Variants in BBX observed in about 807,000 individuals in gnomAD.
BBX encodes the protein HMG box transcription factor BBX.
A neutral mutation model predicts 100.2 loss-of-function variants in BBX; 30 were observed. That is an observed-to-expected ratio of 0.30 (90% CI 0.22 to 0.41). The LOEUF (loss-of-function observed/expected upper bound fraction) is 0.41, where lower values mean the gene tolerates loss of function less well. Ranked by LOEUF, BBX falls within the 10% of genes least tolerant of loss-of-function variation. BBX has a pLI of 1.00. For missense variants in BBX, 1,023 were observed against 1,129.8 expected (o/e 0.91, Z 1.35); for synonymous variants, 376 against 388.1 (o/e 0.97, Z 0.37).
At chr3:107,589,196 G>A (rs1304185256) in intron 2 of BBX, among the ~76,000 whole-genome samples, 1 of 152,146 alleles carries the variant, frequency 6.6e-6, no homozygotes, top group African/African-American at 2.4e-5. Context: ...TATTACTTGA[G>A]CTTGTTATTT....
chr3:107,790,333 G>A (rs1035097692), intron 14 of BBX, among the ~76,000 whole-genome samples: 1 of 152,008 alleles, frequency 6.6e-6, no homozygotes, highest in Admixed American at 6.6e-5. Context: ...GGATTCTTGC[G>A]GACCTTTTTC....
In BBX at chr3:107,810,832, CAT is replaced by C. The variant is rs1348692510; in HGVS notation, c.*5376_*5377del. On this transcript the variant is annotated 3_prime_UTR_variant, in exon 18 of 18. Transcript: ENST00000325805. Reference sequence around the variant, plus strand: ...CTCGTAGGTTTGAATTGCTTACTCACATGTCATAAATTAACCACAGCTTCATT... The same window carrying C: ...CTCGTAGGTTTGAATTGCTTACTCACGTCATAAATTAACCACAGCTTCATT... 10 of 152,336 alleles carry C rather than the reference CAT, an allele frequency of 6.6e-5. No homozygotes were observed. The South Asian group carries it at 1.2e-3, about 19-fold the overall frequency. The allele number at this position is 152,336 out of a possible 1,614,324, so 9.4% of individuals were successfully genotyped here. A position where few individuals can be genotyped will look rare whatever the true frequency, so the allele number is the denominator to read the frequency against.
chr3:107,717,571 TGTACTGCAA>T (rs1434747763), intron 5 of BBX, among the ~76,000 whole-genome samples: 1 of 152,158 alleles, frequency 6.6e-6, no homozygotes, highest in African/African-American at 2.4e-5. Flanking sequence ...TGGAACAGGA[TGTACTGCAA>T]GGTGTACATG....
intron 2 of BBX, among the ~76,000 whole-genome samples, chr3:107,565,704 G>A (rs116698196): frequency 2.0e-4 from 30 of 151,288 alleles, no homozygotes; most frequent in African/African-American, 6.8e-4. Context: ...TCCTGCCCTC[G>A]TGATCCACTG....
At chr3:107,703,181 T>A (rs927535757) in intron 3 of BBX, among the ~76,000 whole-genome samples, 2 of 152,236 alleles carry the variant, frequency 1.3e-5, no homozygotes, top group African/African-American at 2.4e-5. Flanking sequence ...AAATACTGTT[T>A]TGTTAGGTCC....
At chr3:107,558,440 A>G (rs1243685988) in intron 2 of BBX, among the ~76,000 whole-genome samples, 1 of 152,142 alleles carries the variant, frequency 6.6e-6, no homozygotes, top group Non-Finnish European at 1.5e-5. Flanking sequence ...GTGAGCCAAG[A>G]TCACACCACC....
chr3:107,696,490 GAA>G (rs897823140), intron 3 of BBX, among the ~76,000 whole-genome samples: 1 of 151,296 alleles, frequency 6.6e-6, no homozygotes, highest in African/African-American at 2.4e-5. Flanking sequence ...ATTCTGGGTT[GAA>G]AATTCTTTTC....
chr3:107,585,012 G>A (rs2052725573), intron 2 of BBX, among the ~76,000 whole-genome samples: 1 of 151,954 alleles, frequency 6.6e-6, no homozygotes, highest in Non-Finnish European at 1.5e-5. Context: ...GCCTTTGAGA[G>A]ACAAAAATGC....
chr3:107,764,042 G>T (rs2066149132), intron 10 of BBX, among the ~76,000 whole-genome samples: 1 of 152,148 alleles, frequency 6.6e-6, no homozygotes, highest in Admixed American at 6.5e-5. Context: ...GCCCAGGCTG[G>T]AGTGCAGTGG....
chr3:107,763,089 C>T (rs2066029975), intron 10 of BBX, among the ~76,000 whole-genome samples: 1 of 152,120 alleles, frequency 6.6e-6, no homozygotes, highest in African/African-American at 2.4e-5. Flanking sequence ...TAAGATATGT[C>T]ATTATGTATG....
At chr3:107,614,249 C>A (rs917675921) in intron 2 of BBX, among the ~76,000 whole-genome samples, 4 of 151,896 alleles carry the variant, frequency 2.6e-5, no homozygotes, top group Admixed American at 1.3e-4. Flanking sequence ...CGTGCCCTGC[C>A]CATGTGTTAA....
At chr3:107,769,087 G>T (rs1017523586) in intron 10 of BBX, among the ~76,000 whole-genome samples, 2 of 151,432 alleles carry the variant, frequency 1.3e-5, no homozygotes, top group Non-Finnish European at 2.9e-5. Flanking sequence ...AGGATCACTT[G>T]AACCCTGGAG....
intron 2 of BBX, among the ~76,000 whole-genome samples, chr3:107,552,401 C>T (rs916750176): frequency 8.3e-5 from 12 of 145,092 alleles, no homozygotes; most frequent in Non-Finnish European, 1.8e-4. Context: ...TGGTCTGATC[C>T]TCTGCTCATG....
chr3:107,614,430 C>A (rs1053783540), intron 2 of BBX, among the ~76,000 whole-genome samples: 12 of 151,002 alleles, frequency 7.9e-5, no homozygotes, highest in African/African-American at 2.9e-4. Context: ...CCCACCCCCC[C>A]AAAAAAAATG....
At chr3:107,742,661 A>G (rs932645365) in intron 7 of BBX, among the ~76,000 whole-genome samples, 1 of 152,188 alleles carries the variant, frequency 6.6e-6, no homozygotes, top group Non-Finnish European at 1.5e-5. Flanking sequence ...TATGGAGAGA[A>G]TTAAGTTAAT....
chr3:107,564,618 T>C (rs934893925), intron 2 of BBX, among the ~76,000 whole-genome samples: 2 of 152,234 alleles, frequency 1.3e-5, no homozygotes, highest in African/African-American at 4.8e-5. Flanking sequence ...TCCAGCCCCG[T>C]CTGTAGTCTA....
intron 3 of BBX, among the ~76,000 whole-genome samples, chr3:107,666,635 G>A (rs946181618): frequency 1.3e-5 from 2 of 152,126 alleles, no homozygotes; most frequent in African/African-American, 4.8e-5. Flanking sequence ...GCGCGATCTC[G>A]GCTCACTGCA....
chr3:107,539,681 A>T (rs905917812), intron 2 of BBX, among the ~76,000 whole-genome samples: 1 of 152,218 alleles, frequency 6.6e-6, no homozygotes, highest in Non-Finnish European at 1.5e-5. Context: ...CTAGGCTATT[A>T]ATATGGTATG....
At chr3:107,651,576 A>G (rs1287868531) in intron 3 of BBX, among the ~76,000 whole-genome samples, 1 of 152,186 alleles carries the variant, frequency 6.6e-6, no homozygotes, top group African/African-American at 2.4e-5. Flanking sequence ...TTATCAAGCC[A>G]ATTCACATTT....
Sources: gnomAD v4.1 joint callset for allele counts (sites outside exome capture counted in the v4.1 genomes callset) on GRCh38, gnomAD v4.1.1 for gene constraint, MANE v1.5 for transcripts, NCBI Gene and HGNC (gene_info 2026-07-23, HGNC 2026-07-21) for gene names.